Variants in SLC35F4 observed in about 807,000 individuals in gnomAD.
The protein encoded by SLC35F4 is solute carrier family 35 member F4.
SLC35F4 carries 24 observed loss-of-function variants against 44.2 expected under a neutral mutation model. The ratio of observed to expected loss-of-function variants is 0.54; its 90% CI spans 0.39 to 0.76. The LOEUF is 0.76. Ranked by LOEUF, SLC35F4 falls within the 30% of genes least tolerant of loss-of-function variation. The probability of loss-of-function intolerance (pLI) is 0.00; values close to 1 mark genes in which losing one functional copy is unlikely to be tolerated. For missense variants in SLC35F4, 562 were observed against 586.1 expected, an observed-to-expected ratio of 0.96 and a Z score of 0.42; for synonymous variants, 238 against 223.6, an observed-to-expected ratio of 1.06 and a Z score of -0.57.
intron 1 of SLC35F4, among the ~76,000 whole-genome samples, chr14:57,971,563 T>A (rs1374226225): frequency 6.6e-6 from 1 of 152,238 alleles, no homozygotes; most frequent in Non-Finnish European, 1.5e-5. Context: ...ATCAGCTGTT[T>A]CCCAAGATTA....
upstream of SLC35F4, among the ~76,000 whole-genome samples, chr14:57,866,396 G>A (rs548760947): frequency 3.6e-3 from 552 of 152,216 alleles, 2 homozygotes; most frequent in African/African-American, 0.012. Context: ...CTCGGTCCAC[G>A]CTTGGCGTCT....
intron 1 of SLC35F4, among the ~76,000 whole-genome samples, chr14:57,946,133 G>A (rs73304477): frequency 3.6e-4 from 54 of 152,040 alleles, no homozygotes; most frequent in African/African-American, 1.3e-3. Flanking sequence ...GTTTAATAAG[G>A]TTCCATCTAT....
At chr14:57,723,423 C>G (rs2076132185) in intron 1 of SLC35F4, among the ~76,000 whole-genome samples, 1 of 152,222 alleles carries the variant, frequency 6.6e-6, no homozygotes, top group African/African-American at 2.4e-5. Flanking sequence ...TTGAAAGATG[C>G]AGGGGTGGTG....
At chr14:57,974,112 G>A (rs985117143), downstream of SLC35F4, among the ~76,000 whole-genome samples, 1 of 152,168 alleles carries the variant, frequency 6.6e-6, no homozygotes, top group African/African-American at 2.4e-5. Context: ...TTTCAATGGA[G>A]GTCACTTGGT....
chr14:57,631,184 G>A (rs1313816597), intron 1 of SLC35F4: 1 of 152,154 alleles, frequency 6.6e-6, no homozygotes, highest in South Asian at 2.1e-4. Context: ...TATTTATGAT[G>A]AAGTGTGGAT....
At chr14:57,826,348 A>G (rs1484267507) in intron 1 of SLC35F4, among the ~76,000 whole-genome samples, 2 of 152,202 alleles carry the variant, frequency 1.3e-5, no homozygotes, top group Non-Finnish European at 2.9e-5. Context: ...CTTACACCTT[A>G]TATAAAAATT....
At chr14:57,837,327 A>G (rs929009061) in intron 1 of SLC35F4, 5 of 152,234 alleles carry the variant, frequency 3.3e-5, no homozygotes, top group Non-Finnish European at 5.9e-5. Context: ...CTAGCAGCGA[A>G]AAGAGCAGAA....
chr14:57,978,495 T>C (rs1053105539), intron 1 of SLC35F4, among the ~76,000 whole-genome samples: 4 of 152,210 alleles, frequency 2.6e-5, no homozygotes, highest in Non-Finnish European at 5.9e-5. Context: ...TGGGCTAATG[T>C]AGACATGACC....
intron 1 of SLC35F4, among the ~76,000 whole-genome samples, chr14:57,981,603 A>T (rs748926050): frequency 6.6e-6 from 1 of 152,132 alleles, no homozygotes. Context: ...TTGTAATGTT[A>T]ATTTTCTTTC....
chr14:57,626,868 T>G (rs565254764), intron 1 of SLC35F4, among the ~76,000 whole-genome samples: 8 of 73,516 alleles, frequency 1.1e-4, no homozygotes, highest in African/African-American at 2.6e-4. Flanking sequence ...TGGTAATGAC[T>G]GATAGAGTGG....
At chr14:57,662,631 C>G (rs910305720) in intron 1 of SLC35F4, among the ~76,000 whole-genome samples, 1 of 152,158 alleles carries the variant, frequency 6.6e-6, no homozygotes, top group African/African-American at 2.4e-5. Flanking sequence ...CTTTAACTTC[C>G]CAGCCTCCAG....
At chr14:57,887,509 GC>G (rs1271007243) in intron 1 of SLC35F4, among the ~76,000 whole-genome samples, 3 of 152,198 alleles carry the variant, frequency 2.0e-5, no homozygotes, top group African/African-American at 7.2e-5. Flanking sequence ...GAGAAACAGA[GC>G]CCCCTCATTG....
intron 1 of SLC35F4, among the ~76,000 whole-genome samples, chr14:57,863,679 C>T (rs1023731497): frequency 1.3e-5 from 2 of 152,280 alleles, no homozygotes; most frequent in East Asian, 1.9e-4. Flanking sequence ...TCATGGTGCT[C>T]GGTTCCCTGG....
downstream of SLC35F4, among the ~76,000 whole-genome samples, chr14:57,972,710 C>T (rs1036133290): frequency 2.0e-5 from 3 of 152,272 alleles, no homozygotes; most frequent in Non-Finnish European, 2.9e-5. Context: ...TTTCTTCTCC[C>T]AGAGCAGCCA....
chr14:57,743,289 G>C (rs2076665757), intron 1 of SLC35F4, among the ~76,000 whole-genome samples: 1 of 152,068 alleles, frequency 6.6e-6, no homozygotes, highest in Admixed American at 6.6e-5. Context: ...CCAGGAGCTG[G>C]TTTTTCTGAA....
At chr14:57,696,827 C>G (rs896270048) in intron 1 of SLC35F4, among the ~76,000 whole-genome samples, 18 of 152,152 alleles carry the variant, frequency 1.2e-4, no homozygotes, top group African/African-American at 4.3e-4. Context: ...AACAGAAAAC[C>G]AAACACTGCA....
intron 1 of SLC35F4, chr14:57,630,768 A>G: frequency 2.0e-6 from 1 of 495,122 alleles, no homozygotes; most frequent in East Asian, 4.8e-5. Flanking sequence ...TCAGGAATAC[A>G]GTGTTGCAAT....
At chr14:57,765,962 G>A (rs1340112722) in intron 1 of SLC35F4, among the ~76,000 whole-genome samples, 4 of 152,274 alleles carry the variant, frequency 2.6e-5, no homozygotes, top group African/African-American at 7.2e-5. Flanking sequence ...ATTAAGTGAG[G>A]AGAGGTATCA....
At chr14:57,673,882 C>A (rs2074601136) in intron 1 of SLC35F4, among the ~76,000 whole-genome samples, 1 of 151,952 alleles carries the variant, frequency 6.6e-6, no homozygotes, top group Non-Finnish European at 1.5e-5. Flanking sequence ...AATAAGACTA[C>A]TAATCTAACA....
Sources: gnomAD v4.1 joint callset for allele counts (sites outside exome capture counted in the v4.1 genomes callset) on GRCh38, gnomAD v4.1.1 for gene constraint, MANE v1.5 for transcripts, NCBI Gene and HGNC (gene_info 2026-07-23, HGNC 2026-07-21) for gene names.